The following ACBD4 variants were observed in gnomAD, a reference collection of about 807,000 sequenced individuals.
The protein encoded by ACBD4 is acyl-CoA binding domain containing 4.
In ACBD4, 41 loss-of-function variants were observed where a neutral mutation model predicts 46.0. That is an observed-to-expected ratio of 0.89 (90% CI 0.69 to 1.16). The LOEUF (loss-of-function observed/expected upper bound fraction) is 1.16. Among genes scored for constraint, ACBD4 ranks in the 50% most tolerant of loss-of-function variants. The pLI is 0.00. For missense variants in ACBD4, 393 were observed against 399.5 expected (o/e 0.98, Z 0.14); for synonymous variants, 162 against 155.9 (o/e 1.04, Z -0.29).
At chr17:45,141,243 C>T (rs2055252014) in intron 9 of ACBD4, among the ~76,000 whole-genome samples, 2 of 152,228 alleles carry the variant, frequency 1.3e-5, no homozygotes, top group Admixed American at 1.3e-4. Context: ...CTAGCCCAGT[C>T]CTTCTCCTTG....
chr17:45,136,585 G>T lies in ACBD4; in HGVS notation c.174G>T (p.Arg58=). ...QATMGPCLVP[R]PGFWDPIGRY... is the part of the protein sequence containing the mutation. ...CCATGGGGCCCTGCCTGGTCCCCCG[G>T]CCCGGGTTCTGGGACCCCATTGGAC... The change falls in exon 3 of 10, where the codon CGG becomes CGT. Residue 58 remains arginine (R), a synonymous_variant. Coordinates refer to ENST00000321854, the MANE Select transcript of ACBD4 (RefSeq NM_001135705.3). The T allele has an allele frequency of 6.2e-7, 1 of 1,613,970 alleles. No individual in the cohort carries two copies. The highest frequency in any genetic ancestry group is 1.7e-5 in the Admixed American group (1 of 60,022).
At position 45,143,736 on chromosome 17, in the gene ACBD4, C is replaced by A; in HGVS notation, c.*165C>A. 8.6e-7 allele frequency: 1 copy of A among 1,167,004 alleles called. No homozygotes were observed. Among genetic ancestry groups the A allele is most frequent in the Non-Finnish European group, 1.2e-6 (1 of 828,800 alleles). The allele number at this position is 1,167,004 out of a possible 1,614,324, so 72.3% of individuals were successfully genotyped here. ...GGGGGCAAATAAGACCCCACCCCTC[C>A]CTGCAGCTTCACAGGGACGCTTCCT... is the stretch of plus-strand genomic sequence containing the variant. On this transcript the variant is annotated 3_prime_UTR_variant, in exon 10 of 10. Transcript: ENST00000321854.
chr17:45,140,043 G>C (rs1303468982), intron 9 of ACBD4, among the ~76,000 whole-genome samples: 1 of 152,124 alleles, frequency 6.6e-6, no homozygotes, highest in Non-Finnish European at 1.5e-5. Flanking sequence ...GGCATCTCTG[G>C]GGTGACCGCT....
intron 8 of ACBD4, chr17:45,138,528 C>T (rs1031059735): frequency 1.1e-5 from 2 of 184,702 alleles, no homozygotes; most frequent in Admixed American, 5.3e-5. Context: ...CGATGGCTCA[C>T]GCCTGTAATC....
intron 9 of ACBD4, among the ~76,000 whole-genome samples, chr17:45,141,467 C>T (rs1307682527): frequency 7.9e-5 from 12 of 152,138 alleles, no homozygotes; most frequent in African/African-American, 2.4e-4. Flanking sequence ...GCAGGCAGAT[C>T]GCTTGAGCCC....
At chr17:45,138,980 T>A (rs918333146) in intron 8 of ACBD4, 41 bp from the exon 9 acceptor site, 3 of 1,608,580 alleles carry the variant, frequency 1.9e-6, no homozygotes, top group Non-Finnish European at 2.5e-6. Context: ...AGAGCTGAAT[T>A]GCCTCCTGAG....
intron 9 of ACBD4, among the ~76,000 whole-genome samples, chr17:45,142,058 A>G (rs2055305170): frequency 6.6e-6 from 1 of 152,184 alleles, no homozygotes; most frequent in Non-Finnish European, 1.5e-5. Flanking sequence ...GGCAAGATAA[A>G]TACTTCATTC....
At chr17:45,137,616 G>A in intron 6 of ACBD4, 144 bp from the exon 7 acceptor site, 1 of 1,308,484 alleles carries the variant, frequency 7.6e-7, no homozygotes, top group Non-Finnish European at 1.1e-6. Flanking sequence ...CCTTGCTTCT[G>A]GCGCCCATCT....
At chr17:45,137,344 C>T (rs1443161418) in intron 5 of ACBD4, 24 bp from the exon 6 acceptor site, 1 of 1,613,874 alleles carries the variant, frequency 6.2e-7, no homozygotes, top group South Asian at 1.1e-5. Flanking sequence ...CCCAGGCCCA[C>T]CTCTGGGTGC....
At position 45,143,381 on chromosome 17, in the gene ACBD4, G is replaced by C. The variant is rs552185060; in HGVS notation, c.790-62G>C. On this transcript the variant is annotated intron_variant, in intron 9 of 9. Coordinates refer to ENST00000321854, the MANE Select transcript of ACBD4 (RefSeq NM_001135705.3). ...CAATCTTCCACTGAATTGGAAGCAG[G>C]TTCCTAGGGAGGCTGTGCTGAGGCC... 2.9e-6 allele frequency: 4 copies of C among 1,382,120 alleles called. No homozygotes were observed. The African/African-American group carries it at 4.4e-5, about 15-fold the overall frequency. The allele number at this position is 1,382,120 out of a possible 1,614,324, so 85.6% of individuals were successfully genotyped here. A position where few individuals can be genotyped will look rare whatever the true frequency, so the allele number is the denominator to read the frequency against.
At chr17:45,138,649 G>A (rs573117928) in intron 8 of ACBD4, 54 of 244,130 alleles carry the variant, frequency 2.2e-4, no homozygotes, top group African/African-American at 1.2e-3. Flanking sequence ...ATATTAGCCG[G>A]GTGTGGTGGG....
chr17:45,134,305 G>A (rs2054648414), upstream of ACBD4, among the ~76,000 whole-genome samples: 1 of 151,748 alleles, frequency 6.6e-6, no homozygotes, highest in African/African-American at 2.4e-5. Flanking sequence ...TTCCCGCCCA[G>A]TTATTTTGAA....
intron 8 of ACBD4, chr17:45,138,239 C>T (rs978271573): frequency 6.9e-6 from 4 of 576,568 alleles, no homozygotes; most frequent in East Asian, 2.9e-5. Flanking sequence ...GTAAGGCCAG[C>T]GGGATGGGAG....
At position 45,137,159 on chromosome 17, in the gene ACBD4, A is replaced by G; in HGVS notation, c.415+20A>G. On this transcript the variant is annotated intron_variant, in intron 5 of 9. Coordinates refer to ENST00000321854, the MANE Select transcript of ACBD4 (RefSeq NM_001135705.3). ...TCACAGGTCAGACTCCCAGGCTGGG[A>G]GCTCCAAAAGTGCTGAGTGAACCGT... 1 of 1,613,812 alleles carries G rather than the reference A, an allele frequency of 6.2e-7. No homozygotes were observed. Among genetic ancestry groups the G allele is most frequent in the Non-Finnish European group, 8.5e-7 (1 of 1,179,958 alleles).
chr17:45,136,220 C>A lies in ACBD4; in HGVS notation c.76C>A (p.Leu26Met). 1 of 1,613,558 alleles carries A rather than the reference C, an allele frequency of 6.2e-7. No homozygotes were observed. The highest frequency in any genetic ancestry group is 1.1e-5 in the South Asian group (1 of 90,992). The change falls in exon 2 of 10, where the codon CTG becomes ATG. Residue 26 changes from leucine (L) to methionine (M), a missense_variant. This residue lies in a region of ACBD4 where 61 missense variants were observed against 50.3 expected (regional missense o/e 1.21). Transcript: ENST00000321854. ...FQAAVSVIQN[L>M]PKNGSYRPSY... ...GGCTGCAGTGAGCGTCATCCAGAACCTGCCCAAGAACGGTGAGGCTGCGGG... is the reference window on the plus strand; with the variant it reads ...GGCTGCAGTGAGCGTCATCCAGAACATGCCCAAGAACGGTGAGGCTGCGGG...
upstream of ACBD4, chr17:45,132,651 C>T (rs935878156): frequency 4.0e-6 from 1 of 249,662 alleles, no homozygotes; most frequent in African/African-American, 2.3e-5. This position sits in a 1 kb window ranked among gnomAD's most constrained non-coding sequence, Gnocchi z 4.6. Flanking sequence ...AGCCTCAGCG[C>T]TCGCCCCTGC....
At chr17:45,137,295 G>A (rs2054918911) in intron 5 of ACBD4, 73 bp from the exon 6 acceptor site, 1 of 1,602,336 alleles carries the variant, frequency 6.2e-7, no homozygotes, top group Non-Finnish European at 8.5e-7. Context: ...GGCTCATCAC[G>A]AGTAGGGGCT....
intron 2 of ACBD4, 119 bp from the exon 3 acceptor site, chr17:45,136,381 C>G (rs2054832872): frequency 6.9e-7 from 1 of 1,458,080 alleles, no homozygotes; most frequent in Non-Finnish European, 9.4e-7. Context: ...TATCCTAGTC[C>G]AGATGCCCTG....
chr17:45,143,295 G>T, intron 9 of ACBD4, 148 bp from the exon 10 acceptor site: 1 of 665,590 alleles, frequency 1.5e-6, no homozygotes, highest in Non-Finnish European at 2.5e-6. Flanking sequence ...CATTCAACCT[G>T]TCAGGACCAC....
Sources: gnomAD v4.1 joint callset for allele counts (sites outside exome capture counted in the v4.1 genomes callset) on GRCh38, gnomAD v4.1.1 for gene constraint, gnomAD v4.1.1 regional missense constraint, Gnocchi (gnomAD v3.1) non-coding constraint, MANE v1.5 for transcripts, NCBI Gene and HGNC (gene_info 2026-07-23, HGNC 2026-07-21) for gene names.